The following FRG1 variants were observed in gnomAD, a reference collection of about 807,000 sequenced individuals.
FRG1 encodes protein FRG1.
Under a neutral mutation model 37.0 loss-of-function variants are expected in FRG1, and 19 were observed. The observed-to-expected ratio is 0.51, with a 90% confidence interval of 0.36 to 0.75. The LOEUF (loss-of-function observed/expected upper bound fraction) is 0.75. FRG1 is among the 30% of genes least tolerant of loss of function. The pLI, the probability that FRG1 is intolerant of heterozygous loss-of-function variation, is 0.00. For missense variants in FRG1, 243 were observed against 301.4 expected (o/e 0.81, Z 1.44); for synonymous variants, 73 against 96.5 (o/e 0.76, Z 1.43).
chr4:189,948,516 A>G (rs1176732200), intron 2 of FRG1, among the ~76,000 whole-genome samples: 1 of 152,172 alleles, frequency 6.6e-6, no homozygotes, highest in Non-Finnish European at 1.5e-5. Flanking sequence ...CAAATCTAAG[A>G]TATATCATTC....
At chr4:189,962,971 A>T in intron 8 of FRG1, 122 bp from the exon 9 acceptor site, 1 of 500,086 alleles carries the variant, frequency 2.0e-6, no homozygotes, top group Non-Finnish European at 3.6e-6. Flanking sequence ...ATATTTTAAT[A>T]AAAGTGTTGT....
At chr4:189,951,770 TC>T (rs1413003339) in intron 2 of FRG1, among the ~76,000 whole-genome samples, 7 of 152,092 alleles carry the variant, frequency 4.6e-5, no homozygotes, top group Admixed American at 2.0e-4. Flanking sequence ...GCTCAAGTGA[TC>T]CTCTTTCCCC....
chr4:189,949,887 G>T (rs555598736), intron 2 of FRG1, among the ~76,000 whole-genome samples: 2 of 152,152 alleles, frequency 1.3e-5, no homozygotes, highest in Non-Finnish European at 2.9e-5. Flanking sequence ...AAAATATACA[G>T]AATATAGAAT....
chr4:189,960,938 C>T, intron 7 of FRG1, 99 bp downstream of exon 7: 13 of 1,408,756 alleles, frequency 9.2e-6, no homozygotes, highest in East Asian at 2.4e-5. Context: ...CATGGTGGTA[C>T]ATGCCTATAG....
chr4:189,948,374 TACA>T (rs1459147900), intron 2 of FRG1, among the ~76,000 whole-genome samples: 1 of 152,186 alleles, frequency 6.6e-6, no homozygotes, highest in Non-Finnish European at 1.5e-5. Context: ...CAGTTGGACT[TACA>T]ACATCGTACT....
chr4:189,940,900 G>A lies in FRG1; in HGVS notation c.-110G>A, dbSNP rs1269225315. 21 of 756,024 alleles carry A rather than the reference G, an allele frequency of 2.8e-5. No individual in the cohort carries two copies. The highest frequency in any genetic ancestry group is 5.4e-5 in the African/African-American group (3 of 55,516). The allele number at this position is 756,024 out of a possible 1,614,324, so 46.8% of individuals were successfully genotyped here. A position where few individuals can be genotyped will look rare whatever the true frequency, so the allele number is the denominator to read the frequency against. On this transcript the variant is annotated 5_prime_UTR_variant, in exon 1 of 9. Coordinates refer to ENST00000226798, the MANE Select transcript of FRG1 (RefSeq NM_004477.3). ...TTCTACAGAGACGTAGGCTGTCAGGGAGTGTTTATTTCGCGTCCGCTTCTG... is the reference window on the plus strand; with the variant it reads ...TTCTACAGAGACGTAGGCTGTCAGGAAGTGTTTATTTCGCGTCCGCTTCTG...
chr4:189,946,311 CAAAA>C (rs34356772), intron 2 of FRG1, among the ~76,000 whole-genome samples: 48 of 105,648 alleles, frequency 4.5e-4, no homozygotes, highest in Non-Finnish European at 8.1e-4. Flanking sequence ...GCTGATAAGC[CAAAA>C]AAAAAAAAAA....
At position 189,952,369 on chromosome 4, in the gene FRG1, C is replaced by T. The variant is rs993280641; in HGVS notation, c.259+82C>T. On this transcript the variant is annotated intron_variant, in intron 3 of 8. Transcript: ENST00000226798. ...ACTTAGGCCAAACTCTAACTAGTCT[C>T]AAACATTTTCCAAAGGAATGGAACC... 2.7e-5 allele frequency: 34 copies of T among 1,283,000 alleles called. No homozygotes were observed. The African/African-American group carries it at 4.9e-4, about 19-fold the overall frequency. The allele number at this position is 1,283,000 out of a possible 1,614,324, so 79.5% of individuals were successfully genotyped here. A position where few individuals can be genotyped will look rare whatever the true frequency, so the allele number is the denominator to read the frequency against.
In FRG1 at chr4:189,946,395, G is replaced by T. The variant is rs539181919; in HGVS notation, c.133+3123G>T. ...GTTGGGCTGCATTCACAGCTGGCCT[G>T]GGCCACATGTGGCCCTCAGGTTGGA... is the stretch of plus-strand genomic sequence containing the variant. On this transcript the variant is annotated intron_variant, in intron 2 of 8. Transcript: ENST00000226798. 1.3e-4 allele frequency among the ~76,000 whole-genome samples: 19 copies of T among 150,962 alleles called. No individual in the cohort carries two copies. In the South Asian group the frequency reaches 3.8e-3, roughly 30 times the overall value.
chr4:189,961,949 T>G lies in FRG1; in HGVS notation c.740+17T>G, dbSNP rs768526945. The G allele has an allele frequency of 7.7e-7, 1 of 1,300,344 alleles. No individual in the cohort carries two copies. Among genetic ancestry groups the G allele is most frequent in the East Asian group, 2.4e-5 (1 of 41,250 alleles). 80.6% of individuals were successfully genotyped at this position (1,300,344 alleles called of 1,614,324 possible). On this transcript the variant is annotated intron_variant, in intron 8 of 8. Coordinates refer to ENST00000226798, the MANE Select transcript of FRG1 (RefSeq NM_004477.3). The stretch of plus-strand genomic sequence containing the variant: ...TCTGGACAGGTAGCTATTTATTTAC[T>G]TATTTCCACTATTTTCAGTAGCCAA...
At chr4:189,961,751 T>C (rs1737245518) in intron 7 of FRG1, 71 bp from the exon 8 acceptor site, 2 of 684,026 alleles carry the variant, frequency 2.9e-6, no homozygotes, top group Non-Finnish European at 5.0e-6. Context: ...TTAACAGTAT[T>C]TATAAATTTA....
chr4:189,949,486 T>C (rs1480838841), intron 2 of FRG1, among the ~76,000 whole-genome samples: 2 of 152,244 alleles, frequency 1.3e-5, no homozygotes, highest in African/African-American at 2.4e-5. Flanking sequence ...AGTAACGTTA[T>C]TGTATCATTT....
chr4:189,946,178 G>C (rs1385825682), intron 2 of FRG1, among the ~76,000 whole-genome samples: 1 of 151,914 alleles, frequency 6.6e-6, no homozygotes, highest in Non-Finnish European at 1.5e-5. Context: ...TTCTTTACAA[G>C]ATCATTTATT....
chr4:189,943,631 T>G (rs1358381098), intron 2 of FRG1, among the ~76,000 whole-genome samples: 1 of 152,212 alleles, frequency 6.6e-6, no homozygotes, highest in Non-Finnish European at 1.5e-5. Flanking sequence ...AGAAGTCGGT[T>G]GTCTCTTAAA....
chr4:189,942,326 A>G (rs1002969138), intron 1 of FRG1, among the ~76,000 whole-genome samples: 8 of 152,082 alleles, frequency 5.3e-5, no homozygotes, highest in African/African-American at 1.9e-4. Context: ...GTTGCTCAGC[A>G]TTTTCATCAT....
chr4:189,947,691 C>T (rs76310311), intron 2 of FRG1, among the ~76,000 whole-genome samples: 1 of 152,256 alleles, frequency 6.6e-6, no homozygotes, highest in South Asian at 2.1e-4. Context: ...CTGCCTGCTG[C>T]ATGCACTCCC....
At chr4:189,961,442 C>G (rs1329451603) in intron 7 of FRG1, 1 of 158,878 alleles carries the variant, frequency 6.3e-6, no homozygotes, top group Non-Finnish European at 1.4e-5. Context: ...GAGTCTCGCT[C>G]TCTCCCCCAG....
intron 6 of FRG1, chr4:189,959,771 CT>C (rs1737150739): frequency 1.9e-6 from 1 of 530,838 alleles, no homozygotes. Flanking sequence ...TTCTGGGTCT[CT>C]TTGGTTAGTC....
At chr4:189,949,724 T>C (rs946849683) in intron 2 of FRG1, among the ~76,000 whole-genome samples, 2 of 152,214 alleles carry the variant, frequency 1.3e-5, no homozygotes, top group African/African-American at 4.8e-5. Flanking sequence ...TGATTCTGAA[T>C]AAAGCATTAT....
Sources: gnomAD v4.1 joint callset for allele counts (sites outside exome capture counted in the v4.1 genomes callset) on GRCh38, gnomAD v4.1.1 for gene constraint, MANE v1.5 for transcripts, NCBI Gene and HGNC (gene_info 2026-07-23, HGNC 2026-07-21) for gene names.